COL24A1: variants seen among roughly 807,000 people sequenced by gnomAD.
COL24A1 encodes collagen alpha-1(XXIV) chain.
COL24A1 carries 224 observed loss-of-function variants against 253.9 expected under a neutral mutation model. The observed-to-expected ratio is 0.88, with a 90% CI of 0.79 to 0.99. The LOEUF is 0.99. Among genes scored for constraint, COL24A1 ranks in the 50% least tolerant of loss-of-function variants. The pLI is 0.00. For synonymous variants in COL24A1, 685 were observed against 673.7 expected (o/e 1.02, Z -0.26); for missense variants, 2,131 against 2,068.5 (o/e 1.03, Z -0.59).
At chr1:85,995,294 C>T (rs1176989853) in intron 19 of COL24A1, among the ~76,000 whole-genome samples, 1 of 151,770 alleles carries the variant, frequency 6.6e-6, no homozygotes, top group African/African-American at 2.4e-5. Context: ...TTTTGTTGCC[C>T]AGGCTGGTCT....
At chr1:86,013,353 C>T (rs1490278129) in intron 19 of COL24A1, among the ~76,000 whole-genome samples, 1 of 152,180 alleles carries the variant, frequency 6.6e-6, no homozygotes, top group Admixed American at 6.5e-5. Context: ...TGACACAATA[C>T]AATGAATTGC....
chr1:85,859,896 T>A (rs1382409489), intron 37 of COL24A1, among the ~76,000 whole-genome samples: 1 of 152,182 alleles, frequency 6.6e-6, no homozygotes, highest in Non-Finnish European at 1.5e-5. Flanking sequence ...GGCAGGAGAA[T>A]TCCTTGGGTC....
chr1:85,995,696 T>C (rs1694724966), intron 19 of COL24A1, among the ~76,000 whole-genome samples: 1 of 152,184 alleles, frequency 6.6e-6, no homozygotes, highest in Non-Finnish European at 1.5e-5. Flanking sequence ...GGTTTGGGTC[T>C]GTGTCCCTAT....
chr1:85,743,587 A>G (rs981921993), intron 57 of COL24A1, among the ~76,000 whole-genome samples: 3 of 152,118 alleles, frequency 2.0e-5, no homozygotes, highest in African/African-American at 7.2e-5. Context: ...CACAATCCAC[A>G]CCATTTAGCT....
At chr1:85,927,316 T>A (rs965825339) in intron 24 of COL24A1, among the ~76,000 whole-genome samples, 1 of 151,818 alleles carries the variant, frequency 6.6e-6, no homozygotes, top group Non-Finnish European at 1.5e-5. Context: ...AAGAAAGGGG[T>A]GACGGACGGC....
intron 43 of COL24A1, among the ~76,000 whole-genome samples, chr1:85,834,397 C>T (rs1675764180): frequency 6.6e-6 from 1 of 152,046 alleles, no homozygotes; most frequent in South Asian, 2.1e-4. Flanking sequence ...GCTGGTGATA[C>T]TATTCACTGA....
At chr1:85,865,078 T>C (rs957392966) in intron 37 of COL24A1, among the ~76,000 whole-genome samples, 3 of 152,144 alleles carry the variant, frequency 2.0e-5, no homozygotes, top group African/African-American at 7.2e-5. Context: ...AATTCATTAC[T>C]GATGCTTCCC....
chr1:85,825,053 C>A (rs1412406901), intron 43 of COL24A1, among the ~76,000 whole-genome samples: 1 of 151,208 alleles, frequency 6.6e-6, no homozygotes, highest in African/African-American at 2.4e-5. Flanking sequence ...AGGTATATCC[C>A]CCAATGCTAT....
At chr1:85,976,753 T>C (rs1692723191) in intron 20 of COL24A1, among the ~76,000 whole-genome samples, 1 of 152,020 alleles carries the variant, frequency 6.6e-6, no homozygotes, top group Non-Finnish European at 1.5e-5. Context: ...CATGACAAAA[T>C]AACCTGACAA....
At chr1:85,899,401 T>C (rs1457804701) in intron 28 of COL24A1, among the ~76,000 whole-genome samples, 2 of 152,128 alleles carry the variant, frequency 1.3e-5, no homozygotes, top group East Asian at 1.9e-4. Context: ...TATTACTGAG[T>C]AATTGGTAGA....
At chr1:86,015,036 G>A (rs531252988) in intron 19 of COL24A1, among the ~76,000 whole-genome samples, 6 of 152,256 alleles carry the variant, frequency 3.9e-5, no homozygotes, top group Admixed American at 6.5e-5. Context: ...CACTATACAA[G>A]CAGAAAGTTT....
At chr1:85,981,168 A>G (rs1472870697) in intron 20 of COL24A1, among the ~76,000 whole-genome samples, 1 of 152,170 alleles carries the variant, frequency 6.6e-6, no homozygotes, top group Non-Finnish European at 1.5e-5. Flanking sequence ...TTCCTTTGGA[A>G]CCAAAAAAGA....
chr1:85,972,104 T>A (rs1692227096), intron 20 of COL24A1, among the ~76,000 whole-genome samples: 1 of 150,932 alleles, frequency 6.6e-6, no homozygotes, highest in Non-Finnish European at 1.5e-5. Flanking sequence ...AACATTTTCT[T>A]AATAAGTTCT....
chr1:85,772,646 C>G (rs182345473), intron 53 of COL24A1, among the ~76,000 whole-genome samples: 10 of 152,076 alleles, frequency 6.6e-5, no homozygotes, highest in African/African-American at 2.4e-4. Flanking sequence ...TTTCACATGT[C>G]TGTTGGCTGC....
intron 24 of COL24A1, among the ~76,000 whole-genome samples, chr1:85,952,249 T>C (rs1035860064): frequency 6.6e-6 from 1 of 152,208 alleles, no homozygotes; most frequent in African/African-American, 2.4e-5. Context: ...AAAATGTTTC[T>C]AGTGAACATG....
intron 5 of COL24A1, among the ~76,000 whole-genome samples, chr1:86,100,598 T>C (rs910162801): frequency 2.2e-4 from 33 of 152,130 alleles, no homozygotes; most frequent in Non-Finnish European, 3.4e-4. Context: ...CCAGAGTTTA[T>C]GCTAATAAGA....
intron 53 of COL24A1, among the ~76,000 whole-genome samples, chr1:85,769,572 T>A (rs1169430943): frequency 6.6e-6 from 1 of 151,928 alleles, no homozygotes; most frequent in Non-Finnish European, 1.5e-5. Context: ...GCAGGAGCTC[T>A]CTACCATACA....
At chr1:86,089,620 A>C (rs1557576687) in intron 6 of COL24A1, among the ~76,000 whole-genome samples, 1 of 152,018 alleles carries the variant, frequency 6.6e-6, no homozygotes, top group Non-Finnish European at 1.5e-5. Context: ...AGGAGTTCAA[A>C]ACCAGCCTGG....
chr1:85,934,555 A>C (rs913239805), intron 24 of COL24A1, among the ~76,000 whole-genome samples: 6 of 152,182 alleles, frequency 3.9e-5, no homozygotes, highest in African/African-American at 1.4e-4. Flanking sequence ...TATCATGAAT[A>C]AGGTACTATA....
Sources: allele counts gnomAD v4.1 joint callset (sites outside exome capture counted in the v4.1 genomes callset), GRCh38; gene constraint gnomAD v4.1.1; transcripts MANE v1.5; gene names NCBI Gene and HGNC (gene_info 2026-07-23, HGNC 2026-07-21).